Variants in RBFOX1 observed in about 807,000 individuals in gnomAD.
RBFOX1 encodes RNA binding fox-1 homolog 1.
Under a neutral mutation model 57.7 loss-of-function variants are expected in RBFOX1, and 8 were observed. The ratio of observed to expected loss-of-function variants is 0.14; its 90% CI spans 0.08 to 0.25. The LOEUF (loss-of-function observed/expected upper bound fraction) is 0.25. RBFOX1 is among the 10% of genes least tolerant of loss of function. The pLI is 1.00. For synonymous variants in RBFOX1, 326 were observed against 222.4 expected (o/e 1.47, Z -4.15); for missense variants, 611 against 548.5 (o/e 1.11, Z -1.14).
At chr16:6,725,121 G>T (rs1444821527) in intron 3 of RBFOX1, among the ~76,000 whole-genome samples, 10 of 141,314 alleles carry the variant, frequency 7.1e-5, no homozygotes, top group Admixed American at 5.5e-4. Flanking sequence ...TGCGATCTCG[G>T]CTCACTGCAA....
intron 3 of RBFOX1, among the ~76,000 whole-genome samples, chr16:5,817,837 C>T (rs976697282): frequency 2.0e-5 from 3 of 151,914 alleles, no homozygotes; most frequent in African/African-American, 7.3e-5. Flanking sequence ...ACTACAGGCA[C>T]CCACCACCAT....
At chr16:7,360,511 C>A (rs1164459971) in intron 4 of RBFOX1, among the ~76,000 whole-genome samples, 1 of 152,190 alleles carries the variant, frequency 6.6e-6, no homozygotes, top group Non-Finnish European at 1.5e-5. Flanking sequence ...CTACAACCTT[C>A]CTGGTATCAG....
chr16:6,665,528 G>A (rs2098726656), intron 3 of RBFOX1, among the ~76,000 whole-genome samples: 1 of 151,958 alleles, frequency 6.6e-6, no homozygotes, highest in East Asian at 1.9e-4. Flanking sequence ...GGGAGGCTGA[G>A]GTAGGAGAAT....
chr16:6,930,787 A>G (rs1193962678), intron 3 of RBFOX1, among the ~76,000 whole-genome samples: 2 of 152,124 alleles, frequency 1.3e-5, no homozygotes, highest in Non-Finnish European at 2.9e-5. Context: ...AGAGAGCTAT[A>G]CAGTTTTCTC....
chr16:5,319,246 A>T (rs1181626670), intron 1 of RBFOX1, among the ~76,000 whole-genome samples: 1 of 152,240 alleles, frequency 6.6e-6, no homozygotes, highest in East Asian at 1.9e-4. Flanking sequence ...GGAGAGGGCC[A>T]TGTGGTAAGG....
intron 4 of RBFOX1, among the ~76,000 whole-genome samples, chr16:7,292,270 GTATTATA>G (rs1431324032): frequency 4.5e-5 from 5 of 110,120 alleles, no homozygotes; most frequent in Non-Finnish European, 9.0e-5. Context: ...GATATAGAAC[GTATTATA>G]TATCATATAT....
chr16:6,869,409 C>T (rs1443985644), intron 3 of RBFOX1, among the ~76,000 whole-genome samples: 5 of 151,784 alleles, frequency 3.3e-5, no homozygotes, highest in Non-Finnish European at 7.4e-5. Context: ...GCTCCAAATT[C>T]TGTTATTAAC....
chr16:7,706,944 G>C (rs559641228), intron 14 of RBFOX1, among the ~76,000 whole-genome samples: 1 of 152,078 alleles, frequency 6.6e-6, no homozygotes, highest in Non-Finnish European at 1.5e-5. Context: ...CCCTTGGACC[G>C]ATACCTGTTT....
At chr16:6,578,189 CA>C (rs2097472818) in intron 2 of RBFOX1, among the ~76,000 whole-genome samples, 1 of 152,218 alleles carries the variant, frequency 6.6e-6, no homozygotes, top group Admixed American at 6.5e-5. Flanking sequence ...CTTTACATAT[CA>C]TTACCTCATA....
intron 3 of RBFOX1, among the ~76,000 whole-genome samples, chr16:6,685,292 T>C (rs2059263083): frequency 6.8e-6 from 1 of 146,234 alleles, no homozygotes. Context: ...TTTTTTTTTT[T>C]TGAGATGGAG....
At chr16:7,328,801 G>A (rs774678433) in intron 4 of RBFOX1, 1 of 152,096 alleles carries the variant, frequency 6.6e-6, no homozygotes, top group Non-Finnish European at 1.5e-5. Context: ...AACAGCAAAG[G>A]AGCGAGTATT....
intron 4 of RBFOX1, among the ~76,000 whole-genome samples, chr16:7,115,918 G>C (rs11647797): frequency 0.097 from 14,831 of 152,204 alleles, 801 homozygotes; most frequent in Non-Finnish European, 0.12. Flanking sequence ...CGTATAATAG[G>C]CAATGACACT....
At chr16:5,512,020 A>T (rs560673790) in intron 2 of RBFOX1, among the ~76,000 whole-genome samples, 2 of 152,338 alleles carry the variant, frequency 1.3e-5, no homozygotes, top group South Asian at 4.1e-4. Context: ...TCTGATTTCA[A>T]AGGACCCCAA....
intron 4 of RBFOX1, among the ~76,000 whole-genome samples, chr16:7,349,966 G>T (rs993355943): frequency 6.6e-6 from 1 of 152,150 alleles, no homozygotes; most frequent in Non-Finnish European, 1.5e-5. Context: ...GGGCAACATG[G>T]TGAAACCTCA....
At chr16:7,007,438 G>A (rs938483356) in intron 3 of RBFOX1, among the ~76,000 whole-genome samples, 20 of 152,132 alleles carry the variant, frequency 1.3e-4, no homozygotes, top group East Asian at 3.9e-4. Context: ...AGTCATCTCC[G>A]TATTTTTAGG....
Position 6,937,674 on chromosome 16 carries a change from C to T in RBFOX1, c.-15-114383C>T, listed in dbSNP as rs11646202. ...AGCAAGGGTATGGTGCGATGGGCTT[C>T]CACGTTATTGGCAATTGGTTAAAAG... On this transcript the variant is annotated intron_variant, in intron 3 of 15. Transcript: ENST00000550418. Among the ~76,000 whole-genome samples, 804 of 152,150 alleles carry T rather than the reference C, an allele frequency of 5.3e-3. 4 individuals carry two copies. The highest frequency in any genetic ancestry group is 0.017 in the Middle Eastern group (5 of 294).
At chr16:7,395,519 A>C (rs1403187739) in intron 4 of RBFOX1, among the ~76,000 whole-genome samples, 1 of 152,174 alleles carries the variant, frequency 6.6e-6, no homozygotes, top group African/African-American at 2.4e-5. Context: ...GGAATACTAA[A>C]TCTCTTGAGT....
chr16:7,282,053 G>C (rs1369864448), intron 4 of RBFOX1, among the ~76,000 whole-genome samples: 1 of 151,834 alleles, frequency 6.6e-6, no homozygotes. Context: ...ATTTTTTGTA[G>C]AGACAGGGTT....
chr16:7,276,718 T>A (rs1462777342), intron 4 of RBFOX1, among the ~76,000 whole-genome samples: 2 of 152,216 alleles, frequency 1.3e-5, no homozygotes, highest in African/African-American at 4.8e-5. Flanking sequence ...TTGATCGTGT[T>A]GAGGAGTAAT....
Sources: gnomAD v4.1 joint callset for allele counts (sites outside exome capture counted in the v4.1 genomes callset) on GRCh38, gnomAD v4.1.1 for gene constraint, MANE v1.5 for transcripts, NCBI Gene and HGNC (gene_info 2026-07-23, HGNC 2026-07-21) for gene names.